UBE4A: variants seen among roughly 807,000 people sequenced by gnomAD.
UBE4A encodes ubiquitination factor E4A.
In UBE4A, 48 loss-of-function variants were observed where a neutral mutation model predicts 117.9. That is an observed-to-expected ratio of 0.41 (90% confidence interval 0.32 to 0.52). The LOEUF (loss-of-function observed/expected upper bound fraction) is 0.52. Ranked by LOEUF, UBE4A falls within the 20% of genes least tolerant of loss-of-function variation. UBE4A has a pLI of 0.33. For missense variants in UBE4A, 1,067 were observed against 1,296.3 expected (o/e 0.82, Z 2.72); for synonymous variants, 407 against 450.0 (o/e 0.90, Z 1.21).
chr11:118,376,969 C>T (rs1039182585), intron 10 of UBE4A, among the ~76,000 whole-genome samples: 1 of 151,884 alleles, frequency 6.6e-6, no homozygotes, highest in African/African-American at 2.4e-5. Context: ...AGGAGGATTG[C>T]TCTAGCCGAA....
chr11:118,372,476 C>G lies in UBE4A; in HGVS notation c.562-31C>G, dbSNP rs758324369. 5 of 1,591,210 alleles carry G rather than the reference C, an allele frequency of 3.1e-6. No homozygotes were observed. The African/African-American group carries it at 4.1e-5, about 13-fold the overall frequency. ...TTTCGTTCCAGATTACAGAGTTAGA[C>G]TATTCCCTCTTTTCTTCATGCTGTT... is the stretch of plus-strand genomic sequence containing the variant. On this transcript the variant is annotated intron_variant, in intron 5 of 19. Transcript: ENST00000252108.
chr11:118,384,563 G>A (rs6589663), intron 13 of UBE4A, 72 bp from the exon 14 acceptor site: 405,074 of 1,387,392 alleles, frequency 0.29, 63,807 homozygotes, highest in East Asian at 0.58. Context: ...AAAGCAAATG[G>A]CTACACATAA....
At chr11:118,377,221 T>G (rs1365142352) in intron 10 of UBE4A, among the ~76,000 whole-genome samples, 3 of 152,210 alleles carry the variant, frequency 2.0e-5, no homozygotes, top group Non-Finnish European at 4.4e-5. Flanking sequence ...TTGTCGTTGT[T>G]GTTGAAATGG....
In UBE4A at chr11:118,371,620, A is replaced by G; in HGVS notation, c.515A>G (p.His172Arg). Reference protein sequence around the residue: ...LSADRDAGERHIFCYLYSCFQ... With the variant: ...LSADRDAGERRIFCYLYSCFQ... ...GCTGATCGAGATGCAGGAGAGAGGCACATTTTTTGTTACCTTTACTCCTGC... is the reference window on the plus strand; with the variant it reads ...GCTGATCGAGATGCAGGAGAGAGGCGCATTTTTTGTTACCTTTACTCCTGC... Residue 172 changes from histidine to arginine, a missense_variant, in exon 5 of 20, where the codon CAC becomes CGC. Physicochemically the swap from His to Arg is conservative, Grantham distance 29. Coordinates refer to ENST00000252108, the MANE Select transcript of UBE4A (RefSeq NM_001204077.2). The G allele has an allele frequency of 6.2e-7, 1 of 1,613,810 alleles. No individual in the cohort carries two copies. The highest frequency in any genetic ancestry group is 1.1e-5 in the South Asian group (1 of 91,086).
chr11:118,366,057 T>C (rs1215744637), intron 2 of UBE4A, among the ~76,000 whole-genome samples: 1 of 140,056 alleles, frequency 7.1e-6, no homozygotes, highest in African/African-American at 2.5e-5. Context: ...TTATTTTGTT[T>C]ATTTAAAAAA....
At chr11:118,384,346 G>A (rs1948735070) in intron 13 of UBE4A, among the ~76,000 whole-genome samples, 1 of 152,204 alleles carries the variant, frequency 6.6e-6, no homozygotes, top group Admixed American at 6.5e-5. Context: ...AAGTACTCAT[G>A]TTTGGATATG....
intron 18 of UBE4A, 108 bp downstream of exon 18, chr11:118,390,912 G>A (rs908505548): frequency 1.8e-5 from 26 of 1,427,964 alleles, no homozygotes; most frequent in Non-Finnish European, 2.4e-5. Flanking sequence ...TAAGGCTAGA[G>A]GATCACTTAA....
At chr11:118,392,138 A>G (rs1258587240) in intron 18 of UBE4A, among the ~76,000 whole-genome samples, 1 of 152,226 alleles carries the variant, frequency 6.6e-6, no homozygotes, top group African/African-American at 2.4e-5. Context: ...TCATGGCACA[A>G]AAGTCTAATA....
chr11:118,372,818 T>C (rs1948619913), intron 6 of UBE4A, 152 bp downstream of exon 6: 8 of 1,186,298 alleles, frequency 6.7e-6, no homozygotes, highest in Non-Finnish European at 9.5e-6. Context: ...TGAGTACCAA[T>C]AGAATAAAGC....
chr11:118,371,382 T>G (rs1367454687), intron 4 of UBE4A, 132 bp from the exon 5 acceptor site: 3 of 1,174,310 alleles, frequency 2.6e-6, no homozygotes, highest in Non-Finnish European at 3.5e-6. Flanking sequence ...ACAGGGCCCT[T>G]TTTTTCTCCT....
At chr11:118,360,934 T>C (rs1329357549) in intron 1 of UBE4A, among the ~76,000 whole-genome samples, 4 of 151,802 alleles carry the variant, frequency 2.6e-5, no homozygotes, top group African/African-American at 9.7e-5. Context: ...GTTGTATCTC[T>C]GTATGGCAGT....
intron 17 of UBE4A, among the ~76,000 whole-genome samples, chr11:118,390,149 A>G (rs1297228277): frequency 3.3e-5 from 5 of 151,906 alleles, no homozygotes; most frequent in Non-Finnish European, 7.4e-5. Flanking sequence ...CAGGAGTTTG[A>G]GACCAGCCTG....
intron 17 of UBE4A, among the ~76,000 whole-genome samples, chr11:118,390,417 TATATA>T (rs1445740309): frequency 1.0e-4 from 15 of 146,384 alleles, no homozygotes; most frequent in Admixed American, 3.4e-4. Context: ...TATTATATTT[TATATA>T]ATATAATTTT....
chr11:118,360,853 A>G (rs1948514505), intron 1 of UBE4A, among the ~76,000 whole-genome samples: 2 of 152,182 alleles, frequency 1.3e-5, no homozygotes, highest in African/African-American at 4.8e-5. Context: ...GATATATTTT[A>G]AAAGAATCAA....
chr11:118,368,741 A>G lies in UBE4A; in HGVS notation c.232A>G (p.Ile78Val). The G allele has an allele frequency of 1.9e-6, 3 of 1,614,236 alleles. No homozygotes were observed. Among genetic ancestry groups the G allele is most frequent in the Non-Finnish European group, 2.5e-6 (3 of 1,180,030 alleles). Residue 78 changes from isoleucine to valine, a missense_variant, in exon 3 of 20, where the codon ATA (isoleucine) becomes GTA (valine). Coordinates refer to ENST00000252108, the MANE Select transcript of UBE4A (RefSeq NM_001204077.2). ...ISRSFRSQQE[I>V]CEQLNINHMI... ...CCGCTCATTCCGATCACAGCAGGAA[A>G]TATGTGAGCAACTCAACATCAATCA... is the stretch of plus-strand genomic sequence containing the variant.
At position 118,384,951 on chromosome 11, in the gene UBE4A, A is replaced by AG. The variant is rs1306784275; in HGVS notation, c.2412+6_2412+7insG. 7 of 1,035,102 alleles carry AG rather than the reference A, an allele frequency of 6.8e-6. No individual in the cohort carries two copies. Among genetic ancestry groups the AG allele is most frequent in the African/African-American group, 1.7e-5 (1 of 58,136 alleles). 64.1% of individuals were successfully genotyped at this position (1,035,102 alleles called of 1,614,324 possible). ...TTTTGGATGAAGCCATACAGGTAAA[A>AG]AAAAAAAAAAAAAAAAAGATTTAAC... On this transcript the variant is annotated splice_region_variant and intron_variant, in intron 15 of 19. Coordinates refer to ENST00000252108, the MANE Select transcript of UBE4A (RefSeq NM_001204077.2).
At position 118,396,629 on chromosome 11, in the gene UBE4A, G is replaced by A; in HGVS notation, c.*189G>A. On this transcript the variant is annotated 3_prime_UTR_variant, in exon 20 of 20. Transcript: ENST00000252108. ...TTAAGATTCCTAAGAACTTGACAAT[G>A]CTCCCCTGGCTTGCAGGAAATTATA... 1 of 567,544 alleles carries A rather than the reference G, an allele frequency of 1.8e-6. No individual in the cohort carries two copies. The highest frequency in any genetic ancestry group is 2.7e-6 in the Non-Finnish European group (1 of 372,586). 35.2% of individuals were successfully genotyped at this position (567,544 alleles called of 1,614,324 possible).
At chr11:118,360,947 A>C (rs1948515154) in intron 1 of UBE4A, among the ~76,000 whole-genome samples, 2 of 151,760 alleles carry the variant, frequency 1.3e-5, no homozygotes, top group Non-Finnish European at 2.9e-5. Flanking sequence ...ATGGCAGTTG[A>C]AAATAGGAAA....
chr11:118,384,961 A>AG lies in UBE4A; in HGVS notation c.2412+16_2412+17insG. ...AGCCATACAGGTAAAAAAAAAAAAA[A>AG]AAAAAAAGATTTAACTTCTCCATAC... On this transcript the variant is annotated intron_variant, in intron 15 of 19. Transcript: ENST00000252108. 4 of 1,565,940 alleles carry AG rather than the reference A, an allele frequency of 2.6e-6. No individual in the cohort carries two copies. The highest frequency in any genetic ancestry group is 3.5e-6 in the Non-Finnish European group (4 of 1,154,842).
Sources: gnomAD v4.1 joint callset for allele counts (sites outside exome capture counted in the v4.1 genomes callset) on GRCh38, gnomAD v4.1.1 for gene constraint, MANE v1.5 for transcripts, NCBI Gene and HGNC (gene_info 2026-07-23, HGNC 2026-07-21) for gene names.